SPAG16: variants seen among roughly 807,000 people sequenced by gnomAD.
SPAG16 encodes the protein sperm-associated antigen 16 protein.
SPAG16 carries 86 observed loss-of-function variants against 80.4 expected under a neutral mutation model. The ratio of observed to expected loss-of-function variants is 1.07; its 90% confidence interval spans 0.90 to 1.28. SPAG16 has a LOEUF of 1.28. Among genes scored for constraint, SPAG16 ranks in the 50% most tolerant of loss-of-function variants. The pLI, the probability that SPAG16 is intolerant of heterozygous loss-of-function variation, is 0.00. For missense variants in SPAG16, 870 were observed against 765.3 expected (o/e 1.14, Z -1.61); for synonymous variants, 294 against 265.9 (o/e 1.11, Z -1.03).
intron 15 of SPAG16, among the ~76,000 whole-genome samples, chr2:214,183,148 G>A (rs781008663): frequency 2.0e-5 from 3 of 151,718 alleles, no homozygotes; most frequent in Non-Finnish European, 2.9e-5. Context: ...ATTACTGCCC[G>A]CTTCCCTCAC....
At chr2:213,324,378 A>G (rs1224261544) in intron 5 of SPAG16, among the ~76,000 whole-genome samples, 1 of 152,138 alleles carries the variant, frequency 6.6e-6, no homozygotes, top group Non-Finnish European at 1.5e-5. Context: ...ATTCATCTCA[A>G]GGTAGAACAT....
rs1238865556 is a variant in SPAG16, at chr2:213,907,739, G to A, written c.1215-22221G>A. Among the ~76,000 whole-genome samples the A allele has an allele frequency of 3.3e-5, 5 of 152,178 alleles. No individual in the cohort carries two copies. The East Asian group carries it at 9.6e-4, about 29-fold the overall frequency. Reference sequence around the variant, plus strand: ...CACAGCAACATGTATGAGCCTGGAGGACGTTATGTAAAGTGAAATAAATAA... The same window carrying A: ...CACAGCAACATGTATGAGCCTGGAGAACGTTATGTAAAGTGAAATAAATAA... On this transcript the variant is annotated intron_variant, in intron 11 of 15. Transcript: ENST00000331683.
intron 15 of SPAG16, among the ~76,000 whole-genome samples, chr2:214,270,613 C>A (rs777954064): frequency 2.0e-5 from 3 of 152,042 alleles, no homozygotes; most frequent in East Asian, 3.9e-4. Context: ...CATGAGTGAA[C>A]GTATTAGCTT....
At chr2:213,685,783 T>C (rs925239439) in intron 10 of SPAG16, among the ~76,000 whole-genome samples, 3 of 152,128 alleles carry the variant, frequency 2.0e-5, no homozygotes, top group Non-Finnish European at 4.4e-5. Flanking sequence ...GTGGTAGTAA[T>C]GGTTATAGAG....
chr2:214,356,840 T>C (rs1302415648), intron 15 of SPAG16, among the ~76,000 whole-genome samples: 1 of 152,038 alleles, frequency 6.6e-6, no homozygotes, highest in Non-Finnish European at 1.5e-5. Flanking sequence ...ATTACCTACA[T>C]GATTACTATG....
chr2:213,385,168 T>C (rs1195883611), intron 9 of SPAG16, among the ~76,000 whole-genome samples: 1 of 152,200 alleles, frequency 6.6e-6, no homozygotes, highest in Non-Finnish European at 1.5e-5. Flanking sequence ...CATGGGATTT[T>C]TGGCCTTTTA....
At chr2:214,007,833 G>T (rs1423640661) in intron 12 of SPAG16, among the ~76,000 whole-genome samples, 1 of 152,100 alleles carries the variant, frequency 6.6e-6, no homozygotes, top group Non-Finnish European at 1.5e-5. Flanking sequence ...TTTGGATTTT[G>T]CTGAGCTTTT....
intron 9 of SPAG16, among the ~76,000 whole-genome samples, chr2:213,441,463 T>C (rs921743260): frequency 6.6e-6 from 1 of 152,190 alleles, no homozygotes; most frequent in Non-Finnish European, 1.5e-5. Context: ...TATTTAGGAT[T>C]CCCAAAGACA....
At chr2:214,049,997 C>T (rs17207375) in intron 13 of SPAG16, among the ~76,000 whole-genome samples, 15,631 of 152,104 alleles carry the variant, frequency 0.1, 1,049 homozygotes, top group Non-Finnish European at 0.15. Flanking sequence ...ATATTTCATT[C>T]CTTTCAGTGA....
At chr2:213,599,933 G>T (rs548702700) in intron 10 of SPAG16, among the ~76,000 whole-genome samples, 1 of 152,150 alleles carries the variant, frequency 6.6e-6, no homozygotes, top group African/African-American at 2.4e-5. Context: ...CGATCCACCC[G>T]CCTTGGCCTC....
chr2:214,388,275 GA>G lies in SPAG16; in HGVS notation c.1721-21856del, dbSNP rs200670370. ...ATAAAATAGCAGGGTCCCTATTTAA[GA>G]AAAAAAAATTATTAATAGAAAATTG... On this transcript the variant is annotated intron_variant, in intron 15 of 15. Transcript: ENST00000331683. 6.6e-5 allele frequency among the ~76,000 whole-genome samples: 10 copies of G among 151,116 alleles called. No individual in the cohort carries two copies. In the East Asian group the frequency reaches 9.7e-4, roughly 15 times the overall value.
intron 14 of SPAG16, among the ~76,000 whole-genome samples, chr2:214,138,255 G>C (rs967320961): frequency 6.6e-6 from 1 of 152,130 alleles, no homozygotes; most frequent in African/African-American, 2.4e-5. Context: ...AGGGTAGTAA[G>C]TTCTAGGGGA....
intron 15 of SPAG16, among the ~76,000 whole-genome samples, chr2:214,332,394 G>C (rs1696983572): frequency 6.6e-6 from 1 of 152,154 alleles, no homozygotes; most frequent in Admixed American, 6.5e-5. Context: ...TCTGTTCCTG[G>C]CACCACAGCT....
At chr2:213,432,695 C>A (rs1218513718) in intron 9 of SPAG16, among the ~76,000 whole-genome samples, 1 of 152,108 alleles carries the variant, frequency 6.6e-6, no homozygotes, top group African/African-American at 2.4e-5. Context: ...GAAACCCATC[C>A]TCCAGAAACT....
chr2:213,908,464 G>A (rs1036247295), intron 11 of SPAG16, among the ~76,000 whole-genome samples: 1 of 152,160 alleles, frequency 6.6e-6, no homozygotes, highest in Non-Finnish European at 1.5e-5. Context: ...AGGTTTGTGT[G>A]TTTCTCTATT....
At chr2:213,497,805 C>A (rs780243180) in intron 10 of SPAG16, among the ~76,000 whole-genome samples, 1 of 151,956 alleles carries the variant, frequency 6.6e-6, no homozygotes, top group Non-Finnish European at 1.5e-5. Flanking sequence ...TAAGACATTC[C>A]ATTTTTACAT....
chr2:213,949,817 A>G (rs1447806810), intron 12 of SPAG16, among the ~76,000 whole-genome samples: 1 of 152,232 alleles, frequency 6.6e-6, no homozygotes, highest in East Asian at 1.9e-4. Flanking sequence ...CTGGTAAGGA[A>G]TTGTGAAGCA....
chr2:214,327,825 T>G (rs1361068610), intron 15 of SPAG16, among the ~76,000 whole-genome samples: 1 of 152,190 alleles, frequency 6.6e-6, no homozygotes. Context: ...CCCATTATTC[T>G]GAAATTGATT....
chr2:213,818,427 GT>G (rs2072707068), intron 10 of SPAG16, among the ~76,000 whole-genome samples: 1 of 152,090 alleles, frequency 6.6e-6, no homozygotes, highest in African/African-American at 2.4e-5. Context: ...GTTTCCTGAA[GT>G]CTCTCACTTT....
Sources: allele counts gnomAD v4.1 joint callset (sites outside exome capture counted in the v4.1 genomes callset), GRCh38; gene constraint gnomAD v4.1.1; transcripts MANE v1.5; gene names NCBI Gene and HGNC (gene_info 2026-07-23, HGNC 2026-07-21).